The following DDX6 variants were observed in gnomAD, a reference collection of about 807,000 sequenced individuals.
DDX6 encodes the protein probable ATP-dependent RNA helicase DDX6.
Under a neutral mutation model 60.6 loss-of-function variants are expected in DDX6, and 7 were observed. The ratio of observed to expected loss-of-function variants is 0.12; its 90% CI spans 0.07 to 0.22. DDX6 has a LOEUF of 0.22. DDX6 is among the 10% of genes least tolerant of loss of function. DDX6 has a pLI of 1.00. For synonymous variants in DDX6, 207 were observed against 201.0 expected, an observed-to-expected ratio of 1.03 and a Z score of -0.25; for missense variants, 270 against 589.9, an observed-to-expected ratio of 0.46 and a Z score of 5.62.
At chr11:118,764,073 A>G (rs549325436) in intron 6 of DDX6, among the ~76,000 whole-genome samples, 1 of 152,286 alleles carries the variant, frequency 6.6e-6, no homozygotes, top group South Asian at 2.1e-4. Flanking sequence ...TTAATAGCAG[A>G]AGGCACACCA....
chr11:118,780,349 GCT>G (rs1480871361), intron 3 of DDX6, among the ~76,000 whole-genome samples: 2 of 151,832 alleles, frequency 1.3e-5, no homozygotes, highest in South Asian at 2.1e-4. Flanking sequence ...ATGGAGTCTC[GCT>G]CTGTCACCCA....
At chr11:118,753,569 A>T (rs1591880361) in intron 13 of DDX6, among the ~76,000 whole-genome samples, 1 of 140,390 alleles carries the variant, frequency 7.1e-6, no homozygotes, top group African/African-American at 2.7e-5. Flanking sequence ...CGATCTCTTG[A>T]CCTCGTGATC....
intron 8 of DDX6, 85 bp from the exon 9 acceptor site, chr11:118,758,987 T>G: frequency 6.5e-7 from 1 of 1,530,850 alleles, no homozygotes; most frequent in Admixed American, 1.9e-5. Context: ...CCTATACGTT[T>G]CTGTCCGATA....
At chr11:118,768,430 A>T in intron 4 of DDX6, 78 bp from the exon 5 acceptor site, 1 of 1,499,928 alleles carries the variant, frequency 6.7e-7, no homozygotes, top group East Asian at 2.3e-5. Context: ...ACACTGAAGG[A>T]TACCTCTTTC....
intron 2 of DDX6, among the ~76,000 whole-genome samples, chr11:118,784,413 G>A (rs1459767223): frequency 6.6e-6 from 1 of 151,222 alleles, no homozygotes; most frequent in Non-Finnish European, 1.5e-5. Context: ...GTAACCCAGT[G>A]TCAACATCTT....
At chr11:118,752,541 G>A (rs1015785330) in intron 13 of DDX6, among the ~76,000 whole-genome samples, 1 of 151,976 alleles carries the variant, frequency 6.6e-6, no homozygotes, top group Admixed American at 6.6e-5. Flanking sequence ...GGGAGGCTGA[G>A]GTGGGCGGAT....
chr11:118,755,210 G>A (rs782728306), intron 12 of DDX6, among the ~76,000 whole-genome samples, 192 bp downstream of exon 12: 2 of 152,138 alleles, frequency 1.3e-5, no homozygotes, highest in African/African-American at 2.4e-5. Context: ...CTCAAATTAA[G>A]CAGTTATTTT....
chr11:118,773,053 A>C (rs1326130565), intron 4 of DDX6, among the ~76,000 whole-genome samples: 1 of 152,148 alleles, frequency 6.6e-6, no homozygotes, highest in African/African-American at 2.4e-5. Flanking sequence ...CAATCTTGTG[A>C]ATTCCCGTTA....
intron 3 of DDX6, among the ~76,000 whole-genome samples, chr11:118,780,516 C>A (rs1449763180): frequency 6.6e-6 from 1 of 152,162 alleles, no homozygotes; most frequent in Non-Finnish European, 1.5e-5. Flanking sequence ...AGGGTTTCAA[C>A]ATGTTGGCCA....
chr11:118,782,639 T>TTGGAAA (rs1439033773), intron 2 of DDX6, among the ~76,000 whole-genome samples: 1 of 76,008 alleles, frequency 1.3e-5, no homozygotes, highest in Non-Finnish European at 2.3e-5. Context: ...ACTACTGTAC[T>TTGGAAA]AAAGCCTTTT....
At chr11:118,761,878 A>AAC (rs1491511872) in intron 7 of DDX6, among the ~76,000 whole-genome samples, 3 of 140,732 alleles carry the variant, frequency 2.1e-5, no homozygotes, top group Admixed American at 7.2e-5. Context: ...AAAAAAAAAA[A>AAC]CAAACCATGT....
intron 4 of DDX6, among the ~76,000 whole-genome samples, chr11:118,778,699 A>T (rs1313173095): frequency 2.6e-5 from 4 of 152,112 alleles, no homozygotes; most frequent in Non-Finnish European, 4.4e-5. Context: ...AAACCACACA[A>T]CATCTTGACA....
At chr11:118,787,437 C>G (rs1862111226) in intron 1 of DDX6, 1 of 152,082 alleles carries the variant, frequency 6.6e-6, no homozygotes, top group Non-Finnish European at 1.5e-5. Context: ...CCACTGCACT[C>G]CAGCCTCAGC....
rs782034629 is a variant in DDX6 at position 118,757,271 on chromosome 11, G to A, written c.1010C>T (p.Ser337Leu). The A allele has an allele frequency of 2.5e-6, 4 of 1,570,360 alleles. No homozygotes were observed. Among genetic ancestry groups the A allele is most frequent in the East Asian group, 2.3e-5 (1 of 43,174 alleles). Residue 337 changes from serine (S) to leucine (L), a missense_variant, in exon 10 of 14, where the codon TCG becomes TTG. Ser to Leu is a moderately radical substitution (Grantham distance 145, BLOSUM62 -2). Coordinates refer to ENST00000534980, the MANE Select transcript of DDX6 (RefSeq NM_004397.6). Reference sequence around the variant, plus strand: ...CTGAGAGGAGTTACAGAAAATGATCGACTGGTTTATCTGAAGCTGAGCACA... The same window carrying A: ...CTGAGAGGAGTTACAGAAAATGATCAACTGGTTTATCTGAAGCTGAGCACA... ...TLFSRLQINQ[S>L]IIFCNSSQRV...
chr11:118,762,357 T>TA (rs11375537), intron 7 of DDX6, among the ~76,000 whole-genome samples: 152,020 of 152,020 alleles, frequency 1, 76,010 homozygotes, highest in Non-Finnish European at 1. Flanking sequence ...ACAACGCTGA[T>TA]CACTATAGAT....
At chr11:118,764,158 A>G (rs1861270545) in intron 6 of DDX6, among the ~76,000 whole-genome samples, 1 of 152,118 alleles carries the variant, frequency 6.6e-6, no homozygotes, top group Non-Finnish European at 1.5e-5. Context: ...AAACAAGATA[A>G]TTTTTTAAAA....
chr11:118,773,871 AAAAC>A (rs1555163105), intron 4 of DDX6, among the ~76,000 whole-genome samples: 61 of 152,158 alleles, frequency 4.0e-4, no homozygotes, highest in Non-Finnish European at 6.3e-4. Context: ...ACCAAAAAAA[AAAAC>A]AAAACAAACA....
chr11:118,789,840 G>A (rs1369112371), intron 1 of DDX6: 1 of 152,146 alleles, frequency 6.6e-6, no homozygotes, highest in East Asian at 1.9e-4. Context: ...ACTGAAACCT[G>A]CACTGCAGCT....
At position 118,749,238 on chromosome 11, in the gene DDX6, T is replaced by A. The variant is rs1425720888; in HGVS notation, c.*2867A>T. 1 of 150,680 alleles carries A rather than the reference T, an allele frequency of 6.6e-6. No individual in the cohort carries two copies. Among genetic ancestry groups the A allele is most frequent in the Non-Finnish European group, 1.5e-5 (1 of 67,886 alleles). The allele number at this position is 150,680 out of a possible 1,614,324, so 9.3% of individuals were successfully genotyped here. Reference sequence around the variant, plus strand: ...TATTAAAAATAGAGGGTAGTTCTCATCCAAATGAGCCACTGGAAAATATTA... The same window carrying A: ...TATTAAAAATAGAGGGTAGTTCTCAACCAAATGAGCCACTGGAAAATATTA... On this transcript the variant is annotated 3_prime_UTR_variant, in exon 14 of 14. Transcript: ENST00000534980.
Sources: gnomAD v4.1 joint callset for allele counts (sites outside exome capture counted in the v4.1 genomes callset) on GRCh38, gnomAD v4.1.1 for gene constraint, MANE v1.5 for transcripts, NCBI Gene and HGNC (gene_info 2026-07-23, HGNC 2026-07-21) for gene names.